Variants in SIK2 observed in about 807,000 individuals in gnomAD.
SIK2 encodes serine/threonine-protein kinase SIK2.
SIK2 carries 29 observed loss-of-function variants against 103.2 expected under a neutral mutation model. The ratio of observed to expected loss-of-function variants is 0.28; its 90% CI spans 0.21 to 0.38. SIK2 has a LOEUF of 0.38. SIK2 is among the 10% of genes least tolerant of loss of function. SIK2 has a pLI of 1.00. For missense variants in SIK2, 879 were observed against 1,171.0 expected, an observed-to-expected ratio of 0.75 and a Z score of 3.64; for synonymous variants, 412 against 446.1, an observed-to-expected ratio of 0.92 and a Z score of 0.96.
At chr11:111,714,768 G>A (rs1265874141) in intron 9 of SIK2, among the ~76,000 whole-genome samples, 1 of 152,184 alleles carries the variant, frequency 6.6e-6, no homozygotes, top group Non-Finnish European at 1.5e-5. Context: ...GCTGCCACAA[G>A]CCAGTGTTGA....
chr11:111,654,624 T>C (rs1221803235), intron 3 of SIK2, among the ~76,000 whole-genome samples: 1 of 152,240 alleles, frequency 6.6e-6, no homozygotes, highest in African/African-American at 2.4e-5. Context: ...ATAAAACAAC[T>C]TTTCAAAGTG....
intron 3 of SIK2, among the ~76,000 whole-genome samples, chr11:111,669,011 C>T (rs1042126702): frequency 9.9e-5 from 15 of 152,136 alleles, no homozygotes; most frequent in Non-Finnish European, 1.5e-5. Flanking sequence ...GTTGAGGCTA[C>T]ACATCAGGGT....
intron 3 of SIK2, among the ~76,000 whole-genome samples, chr11:111,644,765 A>G (rs1490467904): frequency 6.6e-6 from 1 of 152,234 alleles, no homozygotes; most frequent in Non-Finnish European, 1.5e-5. Flanking sequence ...ACATATATAT[A>G]CATAGGTTTC....
At chr11:111,647,666 C>A (rs1419677732) in intron 3 of SIK2, among the ~76,000 whole-genome samples, 2 of 151,604 alleles carry the variant, frequency 1.3e-5, no homozygotes, top group Non-Finnish European at 2.9e-5. Flanking sequence ...GAGATCGAGA[C>A]CATCCTGGCT....
At chr11:111,626,633 A>G (rs982221629) in intron 3 of SIK2, among the ~76,000 whole-genome samples, 1 of 151,190 alleles carries the variant, frequency 6.6e-6, no homozygotes, top group Admixed American at 6.6e-5. Context: ...TTTCTTCAGA[A>G]TTGTCTTTCT....
chr11:111,675,580 G>A (rs1942692985), intron 3 of SIK2, among the ~76,000 whole-genome samples: 1 of 152,120 alleles, frequency 6.6e-6, no homozygotes, highest in East Asian at 1.9e-4. Flanking sequence ...ACACATCATA[G>A]TCAAGCCACT....
At chr11:111,720,800 G>A (rs375806207) in intron 11 of SIK2, 38 bp downstream of exon 11, 25 of 1,571,214 alleles carry the variant, frequency 1.6e-5, no homozygotes, top group East Asian at 4.5e-5. Flanking sequence ...AACTCGCGTC[G>A]TAGGAGAGCA....
At chr11:111,681,251 T>C (rs1942773585) in intron 3 of SIK2, among the ~76,000 whole-genome samples, 1 of 152,236 alleles carries the variant, frequency 6.6e-6, no homozygotes, top group Non-Finnish European at 1.5e-5. Flanking sequence ...AAATTGTATA[T>C]GTGCATGTGT....
intron 8 of SIK2, among the ~76,000 whole-genome samples, chr11:111,709,286 G>A (rs1024354814): frequency 5.3e-5 from 8 of 152,082 alleles, no homozygotes; most frequent in African/African-American, 1.9e-4. Context: ...TGGGATCAGG[G>A]CCCCAACCTC....
chr11:111,727,096 G>A lies in SIK2; in HGVS notation c.*2967G>A, dbSNP rs773439739. 5 of 1,576,644 alleles carry A rather than the reference G, an allele frequency of 3.2e-6. No homozygotes were observed. The highest frequency in any genetic ancestry group is 1.9e-4 in the Middle Eastern group (1 of 5,298). The stretch of plus-strand genomic sequence containing the variant: ...AGCATGTTAGCCCGACAGGAAGAGG[G>A]GGCCCACTTTCACATTCCCGGTGAC... On this transcript the variant is annotated 3_prime_UTR_variant, in exon 15 of 15. Coordinates refer to ENST00000304987, the MANE Select transcript of SIK2 (RefSeq NM_015191.3).
intron 3 of SIK2, chr11:111,672,357 G>T: frequency 3.8e-6 from 2 of 532,156 alleles, no homozygotes; most frequent in Non-Finnish European, 3.0e-6. Flanking sequence ...AGGCCAAGGG[G>T]CCAGAGGTGG....
intron 3 of SIK2, among the ~76,000 whole-genome samples, chr11:111,648,971 C>T (rs1466593504): frequency 6.6e-6 from 1 of 152,106 alleles, no homozygotes; most frequent in East Asian, 1.9e-4. Flanking sequence ...ATATGTCTCC[C>T]TACCAATTAT....
Position 111,715,699 on chromosome 11 carries a change from C to T in SIK2, c.1266+3324C>T, listed in dbSNP as rs540601302. On this transcript the variant is annotated intron_variant, in intron 9 of 14. Transcript: ENST00000304987. ...TGGGGGCCATATGGGAGGGCAGATG[C>T]ATAAACCTTGTAGAATAAATCTACT... 1.6e-3 allele frequency among the ~76,000 whole-genome samples: 247 copies of T among 151,192 alleles called. 2 individuals carry two copies. Among genetic ancestry groups the T allele is most frequent in the South Asian group, 9.0e-3 (43 of 4,784 alleles).
At chr11:111,663,003 C>T (rs1315913088) in intron 3 of SIK2, among the ~76,000 whole-genome samples, 1 of 151,888 alleles carries the variant, frequency 6.6e-6, no homozygotes, top group African/African-American at 2.4e-5. Flanking sequence ...GAGGCTGAGG[C>T]ACGTGGATTT....
At chr11:111,650,419 A>G (rs564502802) in intron 3 of SIK2, among the ~76,000 whole-genome samples, 4 of 152,150 alleles carry the variant, frequency 2.6e-5, no homozygotes, top group East Asian at 1.9e-4. Flanking sequence ...TCTTACGACA[A>G]TAACTTTCCC....
intron 2 of SIK2, among the ~76,000 whole-genome samples, chr11:111,620,097 C>T (rs1467899530): frequency 1.3e-5 from 2 of 152,158 alleles, no homozygotes; most frequent in East Asian, 1.9e-4. Context: ...GCATTTCTTA[C>T]AGGTGGTTGA....
intron 6 of SIK2, among the ~76,000 whole-genome samples, chr11:111,702,433 T>C (rs980739596): frequency 4.6e-5 from 7 of 152,164 alleles, no homozygotes; most frequent in Non-Finnish European, 8.8e-5. Flanking sequence ...AAAAAGTTTT[T>C]TTTCAATTAG....
At chr11:111,671,465 A>C in intron 3 of SIK2, 1 of 252,458 alleles carries the variant, frequency 4.0e-6, no homozygotes, top group Non-Finnish European at 7.8e-6. Flanking sequence ...GTCATCTCTG[A>C]GATCTCTGTC....
At chr11:111,694,613 T>A (rs1943027223) in intron 4 of SIK2, among the ~76,000 whole-genome samples, 1 of 152,246 alleles carries the variant, frequency 6.6e-6, no homozygotes, top group Admixed American at 6.5e-5. Flanking sequence ...TTAAGTATTT[T>A]ATTTTTATTG....
Sources: gnomAD v4.1 joint callset for allele counts (sites outside exome capture counted in the v4.1 genomes callset) on GRCh38, gnomAD v4.1.1 for gene constraint, MANE v1.5 for transcripts, NCBI Gene and HGNC (gene_info 2026-07-23, HGNC 2026-07-21) for gene names.